Variants in MYH9 observed in about 807,000 individuals in gnomAD.
MYH9 encodes the protein myosin-9.
In MYH9, 29 loss-of-function variants were observed where a neutral mutation model predicts 241.9. The observed-to-expected ratio is 0.12, with a 90% CI of 0.09 to 0.16. MYH9 has a LOEUF of 0.16. Among genes scored for constraint, MYH9 ranks in the 10% least tolerant of loss-of-function variants. The pLI, the probability that MYH9 is intolerant of heterozygous loss-of-function variation, is 1.00. For missense variants in MYH9, 1,803 were observed against 2,595.5 expected (o/e 0.69, Z 6.63); for synonymous variants, 1,047 against 1,062.6 (o/e 0.99, Z 0.29).
chr22:36,294,114 G>C lies in MYH9; in HGVS notation c.3815C>G (p.Ala1272Gly). 1 of 1,610,026 alleles carries C rather than the reference G, an allele frequency of 6.2e-7. No homozygotes were observed. The highest frequency in any genetic ancestry group is 2.2e-5 in the East Asian group (1 of 44,878). Residue 1272 changes from alanine to glycine, a missense_variant, in exon 28 of 41, where the codon GCC becomes GGC. Transcript: ENST00000216181. ...CACCTGCAGCTTGGTGACCTTGTCG[G>C]CCAGCTCTGTGCGCACGCGCTCTCC... The part of the protein sequence containing the change: ...NEGERVRTEL[A>G]DKVTKLQVEL...
At chr22:36,299,851 C>T (rs1242595358) in intron 23 of MYH9, among the ~76,000 whole-genome samples, 1 of 152,224 alleles carries the variant, frequency 6.6e-6, no homozygotes, top group African/African-American at 2.4e-5. Flanking sequence ...CAGATGGCCA[C>T]CTTTACACAG....
At chr22:36,304,762 C>T (rs2016942277) in intron 18 of MYH9, among the ~76,000 whole-genome samples, 1 of 152,202 alleles carries the variant, frequency 6.6e-6, no homozygotes, top group East Asian at 1.9e-4. Context: ...GTCCCCCAAA[C>T]CAAAGAGGCC....
rs773875063 is a variant in MYH9, at chr22:36,305,952, C to T, written c.2137G>A (p.Val713Ile). The T allele has an allele frequency of 6.2e-6, 10 of 1,613,342 alleles. No individual in the cohort carries two copies. The highest frequency in any genetic ancestry group is 8.5e-6 in the Non-Finnish European group (10 of 1,180,002). Residue 713 changes from valine to isoleucine, a missense_variant, in exon 17 of 41, where the codon GTC (valine) becomes ATC (isoleucine). Transcript: ENST00000216181. This position sits in a 1 kb window ranked among gnomAD's most constrained non-coding sequence, Gnocchi z 4.7. Reference protein sequence around the residue: ...ICRQGFPNRVVFQEFRQRYEI... With the variant: ...ICRQGFPNRVIFQEFRQRYEI... ...CACCTCTGCCGAAACTCCTGGAAGA[C>T]CACCCTGTTGGGGAAGCCCTGGCGG...
chr22:36,325,090 C>G, intron 5 of MYH9: 1 of 775,088 alleles, frequency 1.3e-6, no homozygotes, highest in Non-Finnish European at 2.4e-6. Flanking sequence ...TAGAGAACTC[C>G]TAACCTCACA....
chr22:36,302,748 C>A, intron 19 of MYH9, 72 bp from the exon 20 acceptor site: 1 of 1,366,168 alleles, frequency 7.3e-7, no homozygotes. Flanking sequence ...TGGTCTTGTC[C>A]TCAAGCTTTT....
chr22:36,290,984 C>T (rs1416202475), intron 31 of MYH9, among the ~76,000 whole-genome samples: 15 of 148,858 alleles, frequency 1.0e-4, no homozygotes, highest in Non-Finnish European at 2.1e-4. Context: ...GGAGCCCCTC[C>T]GCCCGGCGGC....
At chr22:36,368,517 C>T (rs1283652910) in intron 1 of MYH9, among the ~76,000 whole-genome samples, 2 of 152,198 alleles carry the variant, frequency 1.3e-5, no homozygotes, top group Non-Finnish European at 2.9e-5. Context: ...ACAGCAGTTG[C>T]TCCGTGATCA....
intron 2 of MYH9, among the ~76,000 whole-genome samples, chr22:36,345,701 C>T (rs1246589181): frequency 6.6e-6 from 1 of 152,210 alleles, no homozygotes; most frequent in Non-Finnish European, 1.5e-5. Flanking sequence ...ATTTGGTCCA[C>T]ATGATAATCT....
chr22:36,315,879 A>T (rs1369050635), intron 12 of MYH9, among the ~76,000 whole-genome samples: 3 of 146,752 alleles, frequency 2.0e-5, no homozygotes, highest in African/African-American at 7.4e-5. Flanking sequence ...CTCTACAAAA[A>T]ATTTAAAAAT....
chr22:36,364,561 T>C (rs904383047), intron 1 of MYH9, among the ~76,000 whole-genome samples: 9 of 152,164 alleles, frequency 5.9e-5, no homozygotes, highest in African/African-American at 2.2e-4. Context: ...GGGCCATAGC[T>C]TCTCTGTGGC....
chr22:36,365,411 G>A (rs938493526), intron 1 of MYH9, among the ~76,000 whole-genome samples: 3 of 152,118 alleles, frequency 2.0e-5, no homozygotes, highest in Admixed American at 1.3e-4. Flanking sequence ...TGCCAGAGGC[G>A]CCAGGGCATC....
chr22:36,291,683 TAAAAAAAAAAAA>T (rs66686435), intron 31 of MYH9, among the ~76,000 whole-genome samples: 11 of 86,906 alleles, frequency 1.3e-4, no homozygotes, highest in Non-Finnish European at 9.0e-5. Flanking sequence ...ATAAAAAAAT[TAAAAAAAAAAAA>T]AAAAAAAAAA....
rs775888366 is a variant in MYH9, at chr22:36,322,400, CA to C, written c.705+28del. On this transcript the variant is annotated intron_variant, in intron 6 of 40. Coordinates refer to ENST00000216181, the MANE Select transcript of MYH9 (RefSeq NM_002473.6). The stretch of plus-strand genomic sequence containing the variant: ...AGCTCCGGGCAAGGCCCTCTGTCCC[CA>C]GAGCCGGGGCGCCGCCGCGCTACTC... 9.3e-6 allele frequency: 15 copies of C among 1,611,934 alleles called. No individual in the cohort carries two copies. The African/African-American group carries it at 2.0e-4, about 22-fold the overall frequency.
chr22:36,334,156 T>C (rs1390436399), intron 3 of MYH9, among the ~76,000 whole-genome samples: 2 of 152,088 alleles, frequency 1.3e-5, no homozygotes, highest in African/African-American at 2.4e-5. Context: ...CAGATTCCTC[T>C]TCTAGAAAGA....
In MYH9 at chr22:36,316,540, T is replaced by C; in HGVS notation, c.1357A>G (p.Ile453Val). 2 of 1,614,064 alleles carry C rather than the reference T, an allele frequency of 1.2e-6. No individual in the cohort carries two copies. The highest frequency in any genetic ancestry group is 8.5e-7 in the Non-Finnish European group (1 of 1,180,014). The change falls in exon 12 of 41, where the codon ATT becomes GTT. Residue 453 changes from isoleucine (I) to valine (V), a missense_variant. Physicochemically the swap from Ile to Val is conservative, Grantham distance 29. Coordinates refer to ENST00000216181, the MANE Select transcript of MYH9 (RefSeq NM_002473.6). ...QGASFIGILD[I>V]AGFEIFDLNS... Reference sequence around the variant, plus strand: ...ACATCAAAGATCTCGAAGCCGGCAATGTCCAGGATCCCGATGAAGGAGGCG... The same window carrying C: ...ACATCAAAGATCTCGAAGCCGGCAACGTCCAGGATCCCGATGAAGGAGGCG...
chr22:36,292,344 A>G (rs2146335606), intron 30 of MYH9, 110 bp from the exon 31 acceptor site: 1 of 1,458,272 alleles, frequency 6.9e-7, no homozygotes, highest in East Asian at 2.3e-5. Context: ...AAGGGGCACC[A>G]GGGATCTGCC....
chr22:36,300,484 G>C lies in MYH9; in HGVS notation c.2839-220C>G, dbSNP rs2016859373. On this transcript the variant is annotated intron_variant, in intron 22 of 40. Transcript: ENST00000216181. This position sits in a 1 kb window ranked among gnomAD's most constrained non-coding sequence, Gnocchi z 5.0. The stretch of plus-strand genomic sequence containing the variant: ...TTGTAGGATTCCAGATTTCAAACTG[G>C]GACACAGGGCCAGAACATCGGTGCA... Among the ~76,000 whole-genome samples the C allele has an allele frequency of 6.6e-6, 1 of 152,242 alleles. No homozygotes were observed. The highest frequency in any genetic ancestry group is 1.5e-5 in the Non-Finnish European group (1 of 68,042).
intron 35 of MYH9, among the ~76,000 whole-genome samples, chr22:36,286,352 C>T (rs965117498): frequency 6.6e-6 from 1 of 152,116 alleles, no homozygotes; most frequent in African/African-American, 2.4e-5. Flanking sequence ...CGGCACATCA[C>T]GCTGCAGGGC....
At position 36,288,111 on chromosome 22, in the gene MYH9, G is replaced by T; in HGVS notation, c.4932+141C>A. The T allele has an allele frequency of 1.0e-6, 1 of 971,872 alleles. No homozygotes were observed. Among genetic ancestry groups the T allele is most frequent in the Non-Finnish European group, 1.6e-6 (1 of 631,240 alleles). 60.2% of individuals were successfully genotyped at this position (971,872 alleles called of 1,614,324 possible). A position where few individuals can be genotyped will look rare whatever the true frequency, so the allele number is the denominator to read the frequency against. On this transcript the variant is annotated intron_variant, in intron 34 of 40. Coordinates refer to ENST00000216181, the MANE Select transcript of MYH9 (RefSeq NM_002473.6). The surrounding 1 kb of genome is among the most constrained non-coding windows in gnomAD (Gnocchi z 4.8). Reference sequence around the variant, plus strand: ...TGAGCCTCTGAGTCTCTGTCAGTGAGATGGGGCTGGAAGCACCCAGGACCT... The same window carrying T: ...TGAGCCTCTGAGTCTCTGTCAGTGATATGGGGCTGGAAGCACCCAGGACCT...
Sources: allele counts gnomAD v4.1 joint callset (sites outside exome capture counted in the v4.1 genomes callset), GRCh38; gene constraint gnomAD v4.1.1; non-coding constraint Gnocchi (gnomAD v3.1); transcripts MANE v1.5; gene names NCBI Gene and HGNC (gene_info 2026-07-23, HGNC 2026-07-21).